Variants in DOCK9 observed in about 807,000 individuals in gnomAD.
DOCK9 encodes the protein dedicator of cytokinesis protein 9.
Under a neutral mutation model 263.3 loss-of-function variants are expected in DOCK9, and 89 were observed. The ratio of observed to expected loss-of-function variants is 0.34; its 90% CI spans 0.28 to 0.40. DOCK9 has a LOEUF of 0.40. Ranked by LOEUF, DOCK9 falls within the 10% of genes least tolerant of loss-of-function variation. The pLI is 1.00. For missense variants in DOCK9, 2,140 were observed against 2,603.4 expected, an observed-to-expected ratio of 0.82 and a Z score of 3.87; for synonymous variants, 976 against 973.1, an observed-to-expected ratio of 1.00 and a Z score of -0.06.
At chr13:98,983,285 C>T (rs1234787286) in intron 1 of DOCK9, among the ~76,000 whole-genome samples, 8 of 152,054 alleles carry the variant, frequency 5.3e-5, no homozygotes, top group East Asian at 3.9e-4. Flanking sequence ...AAAGATTTTC[C>T]GCAGTATACT....
intron 7 of DOCK9, among the ~76,000 whole-genome samples, chr13:98,919,223 C>T (rs2051438381): frequency 6.6e-6 from 1 of 151,982 alleles, no homozygotes; most frequent in Non-Finnish European, 1.5e-5. Context: ...GATTCTCCTG[C>T]CTCAGCTTCC....
intron 5 of DOCK9, among the ~76,000 whole-genome samples, chr13:98,922,524 C>A (rs2052216954): frequency 6.6e-6 from 1 of 151,996 alleles, no homozygotes. Context: ...AGTCAGAGGA[C>A]AAAAGCACAT....
chr13:99,085,819 A>C (rs1444666123), intron 1 of DOCK9, among the ~76,000 whole-genome samples: 1 of 145,734 alleles, frequency 6.9e-6, no homozygotes. Context: ...GCCCCTCCAA[A>C]ACATGGAAGG....
At chr13:98,974,748 C>CAAAAAAAAAAAAAAAA (rs57196019) in intron 1 of DOCK9, among the ~76,000 whole-genome samples, 1 of 33,206 alleles carries the variant, frequency 3.0e-5, no homozygotes, top group African/African-American at 1.1e-4. Context: ...AACTCTGTCT[C>CAAAAAAAAAAAAAAAA]AAAAAAAAAA....
In DOCK9 at chr13:98,922,092, A is replaced by G; in HGVS notation, c.541T>C (p.Tyr181His). Residue 181 changes from tyrosine (Y) to histidine (H), a missense_variant, in exon 6 of 53, where the codon TAC (tyrosine) becomes CAC (histidine). By Grantham distance (83) the Tyr-to-His change is moderately conservative (BLOSUM62 2). Around this residue, in one of 2 missense-constraint regions of DOCK9, gnomAD observed 1,521 missense variants for 1,741.7 expected, o/e 0.87. Transcript: ENST00000682017. ...KGGITKHGWL[Y>H]KGNMNSAISV... is the part of the protein sequence containing the mutation. ...ATGGCACTGTTCATGTTGCCTTTGT[A>G]CAGCCAGCCATGCTTGGTGATCCCA... 1 of 1,602,288 alleles carries G rather than the reference A, an allele frequency of 6.2e-7. No individual in the cohort carries two copies. The highest frequency in any genetic ancestry group is 8.5e-7 in the Non-Finnish European group (1 of 1,175,000).
chr13:98,830,432 T>C (rs1348863943), intron 41 of DOCK9, among the ~76,000 whole-genome samples: 1 of 152,090 alleles, frequency 6.6e-6, no homozygotes, highest in Non-Finnish European at 1.5e-5. Flanking sequence ...AGACTACCCT[T>C]GACCCATCAT....
Position 98,886,640 on chromosome 13 carries a change from C to A in DOCK9, c.2044-16G>T, listed in dbSNP as rs772797979. The A allele has an allele frequency of 1.9e-6, 3 of 1,606,448 alleles. No homozygotes were observed. Among genetic ancestry groups the A allele is most frequent in the Non-Finnish European group, 2.6e-6 (3 of 1,173,818 alleles). ...CATAAATGCACTAAAATAAGAGTTA[C>A]CAAAGGGAAACATCACGGTTCGATT... On this transcript the variant is annotated splice_polypyrimidine_tract_variant and intron_variant, in intron 18 of 52. Coordinates refer to ENST00000682017, the MANE Select transcript of DOCK9 (RefSeq NM_001366683.2).
chr13:98,940,751 A>C (rs147653131), intron 2 of DOCK9, among the ~76,000 whole-genome samples: 52 of 152,084 alleles, frequency 3.4e-4, no homozygotes, highest in African/African-American at 1.2e-3. Context: ...CTGGTCCTTC[A>C]ACAGTGCCAC....
At chr13:99,018,872 A>G in intron 1 of DOCK9, among the ~76,000 whole-genome samples, 1 of 152,318 alleles carries the variant, frequency 6.6e-6, no homozygotes, top group Non-Finnish European at 1.5e-5. Flanking sequence ...TAATTTATAC[A>G]GCTCCTAAGA....
intron 52 of DOCK9, among the ~76,000 whole-genome samples, chr13:98,796,614 G>A (rs1452500539): frequency 1.3e-5 from 2 of 152,190 alleles, no homozygotes; most frequent in Non-Finnish European, 2.9e-5. Context: ...TAGTGACAAG[G>A]AACTTAAAGG....
intron 1 of DOCK9, among the ~76,000 whole-genome samples, chr13:99,073,335 C>T (rs2041766800): frequency 6.8e-6 from 1 of 147,268 alleles, no homozygotes; most frequent in Non-Finnish European, 1.5e-5. Context: ...TCTCTCTCTT[C>T]TTTCTCTCCT....
intron 2 of DOCK9, among the ~76,000 whole-genome samples, chr13:98,952,932 C>G (rs2057616941): frequency 1.3e-5 from 2 of 152,190 alleles, no homozygotes; most frequent in Non-Finnish European, 2.9e-5. Context: ...TATTACTTTT[C>G]CATATGAAAT....
At chr13:99,051,175 G>C (rs2040678023) in intron 1 of DOCK9, among the ~76,000 whole-genome samples, 4 of 152,328 alleles carry the variant, frequency 2.6e-5, no homozygotes, top group South Asian at 4.1e-4. Flanking sequence ...GGTAATAGTG[G>C]CCTTGAAAGG....
At chr13:98,809,092 G>A (rs2091026566) in intron 47 of DOCK9, 2 of 1,540,980 alleles carry the variant, frequency 1.3e-6, no homozygotes, top group Non-Finnish European at 1.7e-6. Flanking sequence ...CAAAGATGTT[G>A]CTAAGAATGT....
At chr13:99,059,007 T>C (rs1392885066) in intron 1 of DOCK9, among the ~76,000 whole-genome samples, 1 of 152,166 alleles carries the variant, frequency 6.6e-6, no homozygotes, top group Non-Finnish European at 1.5e-5. Context: ...AGGCTTCTTA[T>C]CTCTCTGGCC....
chr13:98,955,296 G>A (rs9517510), intron 2 of DOCK9, 139 bp downstream of exon 2: 44,090 of 511,590 alleles, frequency 0.086, 2,380 homozygotes, highest in Non-Finnish European at 0.11. Flanking sequence ...TCAAGCCTGC[G>A]TGACAGAGCA....
intron 34 of DOCK9, 21 bp from the exon 35 acceptor site, chr13:98,853,543 A>T (rs776520932): frequency 6.6e-7 from 1 of 1,524,624 alleles, no homozygotes; most frequent in South Asian, 1.2e-5. Flanking sequence ...AATACAGGTG[A>T]TTTTTCTATT....
chr13:98,808,494 C>A (rs961394828), intron 47 of DOCK9: 3 of 646,284 alleles, frequency 4.6e-6, no homozygotes, highest in African/African-American at 1.9e-5. Flanking sequence ...AAGTTTCTCA[C>A]GTAAATTAAG....
At chr13:99,037,331 CA>C (rs1011938738) in intron 1 of DOCK9, among the ~76,000 whole-genome samples, 3 of 151,326 alleles carry the variant, frequency 2.0e-5, no homozygotes, top group Non-Finnish European at 2.9e-5. Flanking sequence ...AACATTTCGC[CA>C]AAAAAAATAC....
Sources: allele counts gnomAD v4.1 joint callset (sites outside exome capture counted in the v4.1 genomes callset), GRCh38; gene constraint gnomAD v4.1.1; regional missense constraint gnomAD v4.1.1; transcripts MANE v1.5; gene names NCBI Gene and HGNC (gene_info 2026-07-23, HGNC 2026-07-21).